The following SPHKAP variants were observed in gnomAD, a reference collection of about 807,000 sequenced individuals.
SPHKAP encodes A-kinase anchor protein SPHKAP.
A neutral mutation model predicts 137.5 loss-of-function variants in SPHKAP; 67 were observed. The observed-to-expected ratio is 0.49, with a 90% CI of 0.40 to 0.60. The LOEUF is 0.60. Among genes scored for constraint, SPHKAP ranks in the 20% least tolerant of loss-of-function variants. The probability of loss-of-function intolerance (pLI) is 0.00; values close to 1 mark genes in which losing one functional copy is unlikely to be tolerated. For missense variants in SPHKAP, 2,097 were observed against 2,069.3 expected (o/e 1.01, Z -0.26); for synonymous variants, 813 against 785.3 (o/e 1.04, Z -0.59).
At chr2:228,048,899 CTA>C (rs1005699169) in intron 3 of SPHKAP, among the ~76,000 whole-genome samples, 1 of 152,086 alleles carries the variant, frequency 6.6e-6, no homozygotes, top group African/African-American at 2.4e-5. Context: ...TAAGCGCACT[CTA>C]TGTTTGCAGA....
Position 228,102,613 on chromosome 2 carries a change from T to G in SPHKAP, c.246+6219A>C, listed in dbSNP as rs1698212910. ...AGGATCCAAGATGTTGATAAACGTA[T>G]GGAGTAAGTCTAAAGCCTGCACTCC... On this transcript the variant is annotated intron_variant, in intron 3 of 11. Transcript: ENST00000392056. 1.3e-5 allele frequency among the ~76,000 whole-genome samples: 2 copies of G among 152,228 alleles called. 1 individual carries two copies. Among genetic ancestry groups the G allele is most frequent in the South Asian group, 4.1e-4 (2 of 4,832 alleles).
chr2:228,047,115 G>A (rs1396723146), intron 3 of SPHKAP, among the ~76,000 whole-genome samples: 1 of 152,140 alleles, frequency 6.6e-6, no homozygotes, highest in African/African-American at 2.4e-5. Flanking sequence ...TGTGTTTCTT[G>A]TATTTTTATT....
At position 228,017,746 on chromosome 2, in the gene SPHKAP, AT is replaced by A. The variant is rs1245683242; in HGVS notation, c.3107del (p.Asn1036IlefsTer12). On this transcript the variant is annotated frameshift_variant, in exon 7 of 12. Coordinates refer to ENST00000392056, the MANE Select transcript of SPHKAP (RefSeq NM_001142644.2). LOFTEE classifies it high-confidence loss of function. ...TGGCTGCCACTTCATTGGCAAAAAG[AT>A]TGACAGAATCTGGGACATCTTCAAG... ...MNLEDVPDSVNLFANEVAAKI... is the reference protein window; with the variant it reads ...MNLEDVPDSVXLFANEVAAKI... 1 of 1,613,998 alleles carries A rather than the reference AT, an allele frequency of 6.2e-7. No homozygotes were observed. The highest frequency in any genetic ancestry group is 1.3e-5 in the African/African-American group (1 of 74,916).
chr2:228,092,468 CATATATATGTAT>C (rs1697818474), intron 3 of SPHKAP, among the ~76,000 whole-genome samples: 2 of 3,880 alleles, frequency 5.2e-4, no homozygotes. Flanking sequence ...ATATATGTGC[CATATATATGTAT>C]ACATATATGT....
chr2:228,116,282 A>G (rs909277739), intron 2 of SPHKAP, among the ~76,000 whole-genome samples: 4 of 152,142 alleles, frequency 2.6e-5, no homozygotes, highest in Non-Finnish European at 5.9e-5. Flanking sequence ...CTAGCTCACT[A>G]AAACCAAAAC....
chr2:227,995,637 G>A lies in SPHKAP; in HGVS notation c.4506C>T (p.Ala1502=), dbSNP rs145146835. The change falls in exon 8 of 12, where the codon GCC becomes GCT. Residue 1502 remains alanine, a synonymous_variant. Coordinates refer to ENST00000392056, the MANE Select transcript of SPHKAP (RefSeq NM_001142644.2). ...PEAEASTEAR[A]PDEAPNPPSS... is the part of the protein sequence containing the mutation. ...TTGGAGGGTTGGGGGCCTCATCGGG[G>A]GCTCTGGCTTCTGTGGAGGCTTCAG... 25 of 1,613,376 alleles carry A rather than the reference G, an allele frequency of 1.5e-5. No individual in the cohort carries two copies. Among genetic ancestry groups the A allele is most frequent in the Admixed American group, 8.3e-5 (5 of 59,926 alleles).
At chr2:228,109,095 C>A (rs1302092617) in intron 2 of SPHKAP, among the ~76,000 whole-genome samples, 156 bp from the exon 3 acceptor site, 1 of 151,890 alleles carries the variant, frequency 6.6e-6, no homozygotes, top group African/African-American at 2.4e-5. Context: ...AGGATGATAG[C>A]ACCTCTAAAA....
At chr2:228,116,004 C>T (rs1006026731) in intron 2 of SPHKAP, among the ~76,000 whole-genome samples, 5 of 152,102 alleles carry the variant, frequency 3.3e-5, no homozygotes, top group Admixed American at 1.3e-4. Flanking sequence ...GGCAAAAAGG[C>T]ACCATCTATG....
chr2:228,053,306 G>A (rs1447057827), intron 3 of SPHKAP, among the ~76,000 whole-genome samples: 1 of 152,204 alleles, frequency 6.6e-6, no homozygotes, highest in Non-Finnish European at 1.5e-5. Flanking sequence ...AAGCTGAGAA[G>A]CAATAGGCCC....
At chr2:228,142,204 A>T (rs1336274701) in intron 1 of SPHKAP, among the ~76,000 whole-genome samples, 1 of 152,172 alleles carries the variant, frequency 6.6e-6, no homozygotes, top group Non-Finnish European at 1.5e-5. Flanking sequence ...GCATGTGAAG[A>T]GCATAAGTGT....
chr2:228,083,491 C>A (rs1015375846), intron 3 of SPHKAP, among the ~76,000 whole-genome samples: 7 of 152,080 alleles, frequency 4.6e-5, no homozygotes, highest in Non-Finnish European at 1.0e-4. Flanking sequence ...CTTCTTTTGA[C>A]AAGTGTCTGT....
rs1256745130 is a variant in SPHKAP, at chr2:228,018,648, C to T, written c.2206G>A (p.Val736Ile). Residue 736 changes from valine to isoleucine, a missense_variant, in exon 7 of 12, where the codon GTC becomes ATC. Coordinates refer to ENST00000392056, the MANE Select transcript of SPHKAP (RefSeq NM_001142644.2). ...HIVRLGECPA[V>I]LSKETIRRRE... is the part of the protein sequence containing the mutation. Reference sequence around the variant, plus strand: ...CTTCTGATGGTCTCCTTAGAAAGGACAGCAGGACATTCACCAAGCCGTACA... The same window carrying T: ...CTTCTGATGGTCTCCTTAGAAAGGATAGCAGGACATTCACCAAGCCGTACA... 1 of 1,614,152 alleles carries T rather than the reference C, an allele frequency of 6.2e-7. No individual in the cohort carries two copies. The highest frequency in any genetic ancestry group is 8.5e-7 in the Non-Finnish European group (1 of 1,180,026).
intron 3 of SPHKAP, among the ~76,000 whole-genome samples, chr2:228,084,935 A>G (rs567072955): frequency 6.6e-6 from 1 of 152,342 alleles, no homozygotes; most frequent in East Asian, 1.9e-4. Flanking sequence ...CTTTGCTGTT[A>G]CTGAGATAAA....
intron 7 of SPHKAP, among the ~76,000 whole-genome samples, chr2:228,001,397 A>C (rs1322357510): frequency 7.0e-6 from 1 of 143,412 alleles, no homozygotes; most frequent in East Asian, 2.0e-4. Context: ...ATATATAAAT[A>C]TATATACATA....
chr2:228,019,138 A>T lies in SPHKAP; in HGVS notation c.1716T>A (p.Gly572=). The T allele has an allele frequency of 6.2e-7, 1 of 1,613,806 alleles. No homozygotes were observed. Among genetic ancestry groups the T allele is most frequent in the Non-Finnish European group, 8.5e-7 (1 of 1,180,018 alleles). The change falls in exon 7 of 12, where the codon GGT becomes GGA. Residue 572 remains glycine, a synonymous_variant. Coordinates refer to ENST00000392056, the MANE Select transcript of SPHKAP (RefSeq NM_001142644.2). ...ATGTCACCTCTTCTCTTTCACCCAG[A>T]CCACAGACAGCCACGGCACTGGCCA... is the stretch of plus-strand genomic sequence containing the variant. The part of the protein sequence containing the change: ...TQVASAVAVC[G]LGEREEVTCS...
At chr2:228,163,078 A>G (rs1484760873) in intron 1 of SPHKAP, among the ~76,000 whole-genome samples, 1 of 152,196 alleles carries the variant, frequency 6.6e-6, no homozygotes, top group African/African-American at 2.4e-5. Flanking sequence ...CAGAAACAGA[A>G]TTATTAAGCA....
chr2:228,117,073 C>T (rs562514066), intron 2 of SPHKAP, among the ~76,000 whole-genome samples: 11 of 152,216 alleles, frequency 7.2e-5, no homozygotes, highest in African/African-American at 2.4e-4. Flanking sequence ...AAATTTCTTC[C>T]TCAGAATATT....
Position 227,981,821 on chromosome 2 carries a change from T to C in SPHKAP, c.4999A>G (p.Lys1667Glu), listed in dbSNP as rs1693003588. The C allele has an allele frequency of 6.2e-7, 1 of 1,613,618 alleles. No individual in the cohort carries two copies. The highest frequency in any genetic ancestry group is 1.3e-5 in the African/African-American group (1 of 74,888). Residue 1667 changes from lysine to glutamate, a missense_variant, in exon 12 of 12, where the codon AAA (lysine) becomes GAA (glutamate). By Grantham distance (56) the Lys-to-Glu change is moderately conservative. Coordinates refer to ENST00000392056, the MANE Select transcript of SPHKAP (RefSeq NM_001142644.2). ...VVQLVHRKSW[K>E]VGDIFHAVVQ... ...ACTGCATGGAAGATATCACCCACTT[T>C]CCAGGACTTCCGATGAACCAGCTGC...
chr2:228,154,008 G>T (rs1386153041), intron 1 of SPHKAP, among the ~76,000 whole-genome samples: 2 of 152,094 alleles, frequency 1.3e-5, no homozygotes, highest in Non-Finnish European at 2.9e-5. Flanking sequence ...TGGCAAATAG[G>T]ATGTCAATCT....
Sources: allele counts gnomAD v4.1 joint callset (sites outside exome capture counted in the v4.1 genomes callset), GRCh38; gene constraint gnomAD v4.1.1; transcripts MANE v1.5; gene names NCBI Gene and HGNC (gene_info 2026-07-23, HGNC 2026-07-21).